Variants in NRG2 observed in about 807,000 individuals in gnomAD.
NRG2 encodes pro-neuregulin-2, membrane-bound isoform.
In NRG2, 27 loss-of-function variants were observed where a neutral mutation model predicts 73.9. The ratio of observed to expected loss-of-function variants is 0.37; its 90% CI spans 0.27 to 0.50. The LOEUF (loss-of-function observed/expected upper bound fraction) is 0.50, where lower values mean the gene tolerates loss of function less well. NRG2 is among the 20% of genes least tolerant of loss of function. The probability of loss-of-function intolerance (pLI) is 0.96; values close to 1 mark genes in which losing one functional copy is unlikely to be tolerated. For synonymous variants in NRG2, 532 were observed against 541.0 expected (o/e 0.98, Z 0.23); for missense variants, 1,126 against 1,210.1 (o/e 0.93, Z 1.03).
chr5:139,848,835 C>A lies in NRG2; in HGVS notation c.1773-138G>T, dbSNP rs567848223. On this transcript the variant is annotated intron_variant, in intron 9 of 9. Coordinates refer to ENST00000361474, the MANE Select transcript of NRG2 (RefSeq NM_004883.3). ...CCCGAGACCCCGCCTGCAAGAATGA[C>A]GGCAGCAACCCTCAGTGGCCTTATG... 4.6e-4 allele frequency: 350 copies of A among 763,784 alleles called. 5 individuals carry two copies. The South Asian group carries it at 6.4e-3, about 14-fold the overall frequency. The allele number at this position is 763,784 out of a possible 1,614,324, so 47.3% of individuals were successfully genotyped here.
chr5:139,951,466 T>C (rs554888928), intron 1 of NRG2, among the ~76,000 whole-genome samples: 1 of 152,310 alleles, frequency 6.6e-6, no homozygotes, highest in South Asian at 2.1e-4. Flanking sequence ...GGGTGCCACA[T>C]GCTGTAGTCA....
chr5:139,965,514 G>A (rs962244466), intron 1 of NRG2, among the ~76,000 whole-genome samples: 23 of 152,346 alleles, frequency 1.5e-4, no homozygotes, highest in African/African-American at 5.3e-4. Flanking sequence ...GCAGGAGGCC[G>A]TGGCTTTCAT....
chr5:139,928,463 G>A (rs1172736270), intron 1 of NRG2, among the ~76,000 whole-genome samples: 1 of 152,096 alleles, frequency 6.6e-6, no homozygotes, highest in Non-Finnish European at 1.5e-5. Context: ...TCCAGATGTT[G>A]TCCTTGTCTC....
intron 2 of NRG2, among the ~76,000 whole-genome samples, chr5:139,885,756 AGT>A (rs1763822987): frequency 6.6e-6 from 1 of 150,542 alleles, no homozygotes; most frequent in Admixed American, 6.6e-5. Context: ...GGTGAGTATG[AGT>A]GTGTGGCACC....
intron 1 of NRG2, among the ~76,000 whole-genome samples, chr5:139,941,298 G>T (rs1753383250): frequency 1.3e-5 from 2 of 151,482 alleles, no homozygotes; most frequent in Admixed American, 6.6e-5. Flanking sequence ...TTATAATTTT[G>T]AATTGACAAA....
intron 1 of NRG2, among the ~76,000 whole-genome samples, chr5:139,902,962 T>C (rs73271445): frequency 0.04 from 6,023 of 152,304 alleles, 392 homozygotes; most frequent in African/African-American, 0.14. Context: ...AACACAGTTC[T>C]GGCCTTTAAG....
chr5:140,000,389 G>A (rs1314604484), intron 1 of NRG2, among the ~76,000 whole-genome samples: 2 of 152,198 alleles, frequency 1.3e-5, no homozygotes, highest in Non-Finnish European at 2.9e-5. Flanking sequence ...CTGCCGCAGA[G>A]GCATGGAGGA....
chr5:139,903,904 A>C (rs1005073682), intron 1 of NRG2, among the ~76,000 whole-genome samples: 1 of 152,158 alleles, frequency 6.6e-6, no homozygotes, highest in Admixed American at 6.5e-5. Context: ...TCTCCGAGGA[A>C]GGGAAGGCAG....
Position 139,867,801 on chromosome 5 carries a change from A to AGTGTGTGTGT in NRG2, c.1113-2186_1113-2177dup, listed in dbSNP as rs1202470798. On this transcript the variant is annotated intron_variant, in intron 4 of 9. Transcript: ENST00000361474. Reference sequence around the variant, plus strand: ...GTGTGTGTGTGTGTGTGTGTGTATGAGTGTGTGTGTGTGTGTGTGTGTGTG... The same window carrying AGTGTGTGTGT: ...GTGTGTGTGTGTGTGTGTGTGTATGAGTGTGTGTGTGTGTGTGTGTGTGTGTGTGTGTGTG... Among the ~76,000 whole-genome samples the AGTGTGTGTGT allele has an allele frequency of 2.4e-3, 192 of 79,528 alleles. 2 individuals carry two copies. Among genetic ancestry groups the AGTGTGTGTGT allele is most frequent in the South Asian group, 3.5e-3 (8 of 2,308 alleles). 52.2% of individuals were successfully genotyped at this position (79,528 alleles called of 152,430 possible).
chr5:139,848,749 G>C, intron 9 of NRG2, 52 bp from the exon 10 acceptor site: 1 of 1,101,174 alleles, frequency 9.1e-7, no homozygotes, highest in South Asian at 1.9e-5. Context: ...CCGGCGCGGG[G>C]GAGGGGGGGT....
intron 1 of NRG2, among the ~76,000 whole-genome samples, chr5:140,020,048 C>T (rs1426447097): frequency 1.3e-5 from 2 of 152,186 alleles, no homozygotes; most frequent in East Asian, 1.9e-4. Context: ...CCACCATGCC[C>T]AGCTGGGATT....
At chr5:139,920,115 A>T (rs1221830822) in intron 1 of NRG2, among the ~76,000 whole-genome samples, 1 of 152,232 alleles carries the variant, frequency 6.6e-6, no homozygotes, top group African/African-American at 2.4e-5. Flanking sequence ...AGACGTATAG[A>T]CTATATCAAG....
At chr5:139,938,850 A>AAGAGAGAGAGAGAGAG (rs61044289) in intron 1 of NRG2, among the ~76,000 whole-genome samples, 5 of 94,954 alleles carry the variant, frequency 5.3e-5, no homozygotes, top group Non-Finnish European at 1.1e-4. Flanking sequence ...ACAGAAAGGG[A>AAGAGAGAGAGAGAGAG]AGAGAGAGAG....
At chr5:140,002,964 G>A (rs1423355097) in intron 1 of NRG2, among the ~76,000 whole-genome samples, 1 of 152,170 alleles carries the variant, frequency 6.6e-6, no homozygotes, top group Non-Finnish European at 1.5e-5. Context: ...AATCCCAGAT[G>A]GCTCCAAGAT....
intron 1 of NRG2, among the ~76,000 whole-genome samples, chr5:139,896,980 C>T (rs988334561): frequency 7.9e-5 from 12 of 152,248 alleles, no homozygotes; most frequent in Admixed American, 5.9e-4. Context: ...CCTTCCCAAA[C>T]TTGCCTCTCT....
intron 1 of NRG2, among the ~76,000 whole-genome samples, chr5:139,917,994 A>AT (rs1751390668): frequency 6.6e-6 from 1 of 151,988 alleles, no homozygotes; most frequent in African/African-American, 2.4e-5. Flanking sequence ...ATTTATGCCT[A>AT]TTTTTTCTTC....
At chr5:139,934,261 T>C (rs538488001) in intron 1 of NRG2, among the ~76,000 whole-genome samples, 1 of 152,272 alleles carries the variant, frequency 6.6e-6, no homozygotes, top group African/African-American at 2.4e-5. Context: ...ATGTTTAAAA[T>C]CTCTTTAAAA....
intron 1 of NRG2, among the ~76,000 whole-genome samples, chr5:139,979,805 C>T (rs1020056703): frequency 2.6e-5 from 4 of 152,188 alleles, no homozygotes; most frequent in Admixed American, 6.5e-5. Flanking sequence ...ACTGCAATGG[C>T]ATGAGAGACT....
chr5:139,992,006 T>C (rs115894992), intron 1 of NRG2, among the ~76,000 whole-genome samples: 1,557 of 152,228 alleles, frequency 0.01, 19 homozygotes, highest in African/African-American at 0.036. Flanking sequence ...TCTCCCTACT[T>C]TTCTTTTTTC....
Sources: allele counts gnomAD v4.1 joint callset (sites outside exome capture counted in the v4.1 genomes callset), GRCh38; gene constraint gnomAD v4.1.1; transcripts MANE v1.5; gene names NCBI Gene and HGNC (gene_info 2026-07-23, HGNC 2026-07-21).